NHLRC2: variants seen among roughly 807,000 people sequenced by gnomAD.
NHLRC2 encodes NHL repeat containing 2, also known as NHL repeat-containing protein 2.
Under a neutral mutation model 68.1 loss-of-function variants are expected in NHLRC2, and 33 were observed. That is an observed-to-expected ratio of 0.48 (90% CI 0.37 to 0.65). The LOEUF (loss-of-function observed/expected upper bound fraction) is 0.65. Among genes scored for constraint, NHLRC2 ranks in the 30% least tolerant of loss-of-function variants. The pLI is 0.00. For synonymous variants in NHLRC2, 311 were observed against 309.6 expected, an observed-to-expected ratio of 1.00 and a Z score of -0.05; for missense variants, 761 against 853.8, an observed-to-expected ratio of 0.89 and a Z score of 1.35.
At chr10:113,896,268 A>G (rs147635494) in intron 5 of NHLRC2, among the ~76,000 whole-genome samples, 7,828 of 152,100 alleles carry the variant, frequency 0.051, 460 homozygotes, top group Admixed American at 0.19. Context: ...AACCAACTCA[A>G]ATGTCCAACA....
Position 113,876,931 on chromosome 10 carries a change from AT to A in NHLRC2, c.746del (p.Leu249TrpfsTer36). 2 of 1,604,134 alleles carry A rather than the reference AT, an allele frequency of 1.2e-6. No homozygotes were observed. Among genetic ancestry groups the A allele is most frequent in the Non-Finnish European group, 1.7e-6 (2 of 1,177,100 alleles). The part of the protein sequence containing the change: ...LVIADTGHHR[I>X]LVVWKNGQIQ... ...AATAGCAGACACTGGACATCATAGA[AT>A]TTTGGTCGTTTGGAAGAATGGACAA... is the stretch of plus-strand genomic sequence containing the variant. On this transcript the variant is annotated frameshift_variant, in exon 3 of 11. Transcript: ENST00000369301. LOFTEE classifies it high-confidence loss of function.
intron 10 of NHLRC2, among the ~76,000 whole-genome samples, chr10:113,905,397 G>T (rs992328061): frequency 6.6e-6 from 1 of 152,074 alleles, no homozygotes; most frequent in Non-Finnish European, 1.5e-5. Flanking sequence ...TGGAGCCCTC[G>T]TATTTAACAT....
chr10:113,879,481 A>G, intron 3 of NHLRC2, 93 bp from the exon 4 acceptor site: 1 of 1,126,102 alleles, frequency 8.9e-7, no homozygotes, highest in Non-Finnish European at 1.3e-6. Context: ...ATTTTTTTAT[A>G]TTAAAATCCC....
At chr10:113,862,155 C>A (rs115133575) in intron 2 of NHLRC2, among the ~76,000 whole-genome samples, 2,522 of 151,910 alleles carry the variant, frequency 0.017, 64 homozygotes, top group African/African-American at 0.056. Context: ...ATGGGATTAA[C>A]GCCATGAGCC....
rs948366014 is a variant in NHLRC2 at position 113,896,662 on chromosome 10, GTAA to G, written c.1040-1438_1040-1436del. 3.7e-4 allele frequency among the ~76,000 whole-genome samples: 56 copies of G among 151,868 alleles called. 2 individuals carry two copies. Among genetic ancestry groups the G allele is most frequent in the African/African-American group, 1.3e-3 (55 of 41,412 alleles). On this transcript the variant is annotated intron_variant, in intron 5 of 10. Transcript: ENST00000369301. The stretch of plus-strand genomic sequence containing the variant: ...GCACATGTACCCTAAAACTTAAAGT[GTAA>G]TAATAATAAATAAATAAATAAAAGA...
intron 5 of NHLRC2, among the ~76,000 whole-genome samples, chr10:113,889,091 T>G (rs1221390930): frequency 6.6e-6 from 1 of 152,192 alleles, no homozygotes. Context: ...CCTCCCAAAG[T>G]GCTGGGATTA....
intron 2 of NHLRC2, among the ~76,000 whole-genome samples, chr10:113,874,063 C>T (rs1463314182): frequency 1.3e-5 from 2 of 152,042 alleles, no homozygotes; most frequent in Non-Finnish European, 2.9e-5. Context: ...TTGTGTTTAT[C>T]AACATGATGC....
At chr10:113,887,114 C>A (rs143211038) in intron 5 of NHLRC2, among the ~76,000 whole-genome samples, 20 of 152,246 alleles carry the variant, frequency 1.3e-4, no homozygotes, top group Admixed American at 3.9e-4. Context: ...AGAAAATATT[C>A]ATCATCTCTA....
intron 9 of NHLRC2, 134 bp downstream of exon 9, chr10:113,903,870 T>TTG (rs1846249819): frequency 3.2e-6 from 2 of 624,218 alleles, no homozygotes; most frequent in Non-Finnish European, 5.8e-6. Context: ...GTTGTATTCT[T>TTG]TGACAAAGAG....
Position 113,902,456 on chromosome 10 carries a change from T to TA in NHLRC2, c.1372-7dup, listed in dbSNP as rs532975160. ...ATAATAACTGCTGTTTCTTTTCTTT[T>TA]AAAAAAAATTAAAGAATTTATTTGC... is the stretch of plus-strand genomic sequence containing the variant. On this transcript the variant is annotated splice_polypyrimidine_tract_variant and intron_variant, in intron 7 of 10. Transcript: ENST00000369301. 1.2e-4 allele frequency: 180 copies of TA among 1,521,350 alleles called. No individual in the cohort carries two copies. The African/African-American group carries it at 1.5e-3, about 13-fold the overall frequency. 94.2% of individuals were successfully genotyped at this position (1,521,350 alleles called of 1,614,324 possible).
Position 113,854,915 on chromosome 10 carries a change from C to A in NHLRC2, c.43C>A (p.Leu15Ile). 6.4e-7 allele frequency: 1 copy of A among 1,553,162 alleles called. No individual in the cohort carries two copies. Among genetic ancestry groups the A allele is most frequent in the Non-Finnish European group, 8.7e-7 (1 of 1,148,094 alleles). ...GGRGRSLSGL[L>I]PAQTSLEYAL... ...CCGGGGCCGCAGCCTCTCCGGCCTG[C>A]TCCCCGCGCAGACCTCGCTAGAGTA... The change falls in exon 1 of 11, where the codon CTC becomes ATC. Residue 15 changes from leucine to isoleucine, a missense_variant. Physicochemically the swap from Leu to Ile is conservative, Grantham distance 5. Coordinates refer to ENST00000369301, the MANE Select transcript of NHLRC2 (RefSeq NM_198514.4).
intron 2 of NHLRC2, among the ~76,000 whole-genome samples, chr10:113,869,327 A>G (rs1345719326): frequency 6.6e-6 from 1 of 152,216 alleles, no homozygotes; most frequent in Non-Finnish European, 1.5e-5. Flanking sequence ...GACAGGAAAC[A>G]CTGAAAAGGT....
At chr10:113,863,143 T>C (rs551776699) in intron 2 of NHLRC2, among the ~76,000 whole-genome samples, 1 of 152,132 alleles carries the variant, frequency 6.6e-6, no homozygotes, top group Non-Finnish European at 1.5e-5. Flanking sequence ...TACAGGACAC[T>C]CTCCCCAACA....
intron 4 of NHLRC2, among the ~76,000 whole-genome samples, 182 bp downstream of exon 4, chr10:113,879,877 T>C (rs778949992): frequency 6.6e-6 from 1 of 152,100 alleles, no homozygotes; most frequent in Non-Finnish European, 1.5e-5. Flanking sequence ...TGTCAGTATG[T>C]ATTTGTCACA....
chr10:113,885,550 T>C (rs978576739), intron 5 of NHLRC2, among the ~76,000 whole-genome samples: 2 of 151,958 alleles, frequency 1.3e-5, no homozygotes, highest in Non-Finnish European at 2.9e-5. Context: ...CACTTTTACC[T>C]CCCTGCCTTA....
In NHLRC2 at chr10:113,867,896, G is replaced by A. The variant is rs772708456; in HGVS notation, c.332-8625G>A. Among the ~76,000 whole-genome samples the A allele has an allele frequency of 3.7e-4, 56 of 152,090 alleles. 1 individual carries two copies. Among genetic ancestry groups the A allele is most frequent in the Non-Finnish European group, 5.9e-4 (40 of 68,016 alleles). The stretch of plus-strand genomic sequence containing the variant: ...TAATTGAGTGCATTTAGAAGTATAC[G>A]TCTCTCAATAAGACTTTTGAAGCTT... On this transcript the variant is annotated intron_variant, in intron 2 of 10. Coordinates refer to ENST00000369301, the MANE Select transcript of NHLRC2 (RefSeq NM_198514.4).
intron 2 of NHLRC2, among the ~76,000 whole-genome samples, chr10:113,869,626 C>G (rs1315571521): frequency 6.6e-6 from 1 of 152,098 alleles, no homozygotes; most frequent in African/African-American, 2.4e-5. Flanking sequence ...CCTAACACCT[C>G]ATCATTCACA....
chr10:113,876,761 C>T lies in NHLRC2; in HGVS notation c.572C>T (p.Thr191Ile), dbSNP rs1400223652. Residue 191 changes from threonine to isoleucine, a missense_variant, in exon 3 of 11, where the codon ACT becomes ATT. Physicochemically the swap from Thr to Ile is moderately conservative, Grantham distance 89. Coordinates refer to ENST00000369301, the MANE Select transcript of NHLRC2 (RefSeq NM_198514.4). ...EGHKDKLFLY[T>I]SIALKYYKDR... ...CACAAAGATAAATTATTTTTATATA[C>T]TTCAATTGCTTTAAAGTATTACAAA... 1.2e-6 allele frequency: 2 copies of T among 1,610,132 alleles called. No homozygotes were observed. Among genetic ancestry groups the T allele is most frequent in the East Asian group, 4.5e-5 (2 of 44,844 alleles).
intron 2 of NHLRC2, among the ~76,000 whole-genome samples, chr10:113,872,086 G>A (rs1845930908): frequency 6.6e-6 from 1 of 152,158 alleles, no homozygotes. Flanking sequence ...ACACAGGTTT[G>A]GACATACTAG....
Sources: gnomAD v4.1 joint callset for allele counts (sites outside exome capture counted in the v4.1 genomes callset) on GRCh38, gnomAD v4.1.1 for gene constraint, MANE v1.5 for transcripts, NCBI Gene and HGNC (gene_info 2026-07-23, HGNC 2026-07-21) for gene names.